ANKRD11: variants seen among roughly 807,000 people sequenced by gnomAD.
ANKRD11 encodes ankyrin repeat domain-containing protein 11.
In ANKRD11, 17 loss-of-function variants were observed where a neutral mutation model predicts 195.7. That is an observed-to-expected ratio of 0.09 (90% confidence interval 0.06 to 0.13). ANKRD11 has a LOEUF of 0.13. ANKRD11 is among the 10% of genes least tolerant of loss of function. The pLI is 1.00. For missense variants in ANKRD11, 3,735 were observed against 3,566.1 expected, an observed-to-expected ratio of 1.05 and a Z score of -1.21; for synonymous variants, 1,953 against 1,528.1, an observed-to-expected ratio of 1.28 and a Z score of -6.49.
chr16:89,428,749 C>G (rs1461452020), intron 1 of ANKRD11, among the ~76,000 whole-genome samples: 1 of 151,808 alleles, frequency 6.6e-6, no homozygotes, highest in Non-Finnish European at 1.5e-5. Context: ...CAAAAATTAG[C>G]CAGGCATGGT....
intron 1 of ANKRD11, among the ~76,000 whole-genome samples, chr16:89,464,629 G>GA (rs1257806844): frequency 7.0e-6 from 1 of 143,622 alleles, no homozygotes; most frequent in Non-Finnish European, 1.5e-5. Context: ...AAAAAGAAAA[G>GA]AAAAGAAAAA....
At chr16:89,404,106 C>CATA (rs926666322) in intron 2 of ANKRD11, among the ~76,000 whole-genome samples, 4 of 152,212 alleles carry the variant, frequency 2.6e-5, no homozygotes, top group African/African-American at 9.7e-5. Context: ...TAGCCCGGCA[C>CATA]ATGATTGTGA....
rs763039848 is a variant in ANKRD11, at chr16:89,281,470, G to A, written c.5072C>T (p.Ala1691Val). 1.2e-6 allele frequency: 2 copies of A among 1,614,048 alleles called. No homozygotes were observed. Among genetic ancestry groups the A allele is most frequent in the South Asian group, 2.2e-5 (2 of 91,084 alleles). The part of the protein sequence containing the change: ...AGPHMKEVLP[A>V]SPRPDQSRPT... ...CCGGCTCTGGTCAGGCCTGGGGGACGCAGGCAGGACCTCTTTCATGTGAGG... is the reference window on the plus strand; with the variant it reads ...CCGGCTCTGGTCAGGCCTGGGGGACACAGGCAGGACCTCTTTCATGTGAGG... The change falls in exon 9 of 13, where the codon GCG becomes GTG. Residue 1691 changes from alanine to valine, a missense_variant. By Grantham distance (64) the Ala-to-Val change is moderately conservative. Transcript: ENST00000301030. This position sits in a 1 kb window ranked among gnomAD's most constrained non-coding sequence, Gnocchi z 5.5.
Position 89,316,508 on chromosome 16 carries a change from A to C in ANKRD11, c.87+425T>G, listed in dbSNP as rs2036966705. ...CGTTAACCGCACATTAATAAAATGC[A>C]GTGGTTTTGATTGGCATCCCATTTT... On this transcript the variant is annotated intron_variant, in intron 3 of 12. Coordinates refer to ENST00000301030, the MANE Select transcript of ANKRD11 (RefSeq NM_013275.6). 2.0e-5 allele frequency among the ~76,000 whole-genome samples: 3 copies of C among 152,242 alleles called. No homozygotes were observed. In the South Asian group the frequency reaches 6.2e-4, roughly 31 times the overall value.
At chr16:89,415,046 GTGA>G (rs745922207) in intron 2 of ANKRD11, among the ~76,000 whole-genome samples, 14 of 152,156 alleles carry the variant, frequency 9.2e-5, no homozygotes, top group Middle Eastern at 3.4e-3. Flanking sequence ...CTGGGCTCAA[GTGA>G]TCCTTCCTCC....
intron 2 of ANKRD11, among the ~76,000 whole-genome samples, chr16:89,408,172 C>A (rs368730259): frequency 1.3e-5 from 2 of 152,174 alleles, no homozygotes; most frequent in South Asian, 2.1e-4. Context: ...CACTATGTGG[C>A]AAGCACTGGA....
chr16:89,353,853 C>A (rs12932607), intron 2 of ANKRD11, among the ~76,000 whole-genome samples: 3 of 152,220 alleles, frequency 2.0e-5, no homozygotes, highest in African/African-American at 7.2e-5. Context: ...CACATCAGCC[C>A]TGAGACACCC....
chr16:89,313,431 C>G, intron 3 of ANKRD11: 13 of 1,289,122 alleles, frequency 1.0e-5, no homozygotes, highest in Non-Finnish European at 1.3e-5. Flanking sequence ...CAGAAGGGGC[C>G]CTTTCTCTGA....
chr16:89,462,760 C>T (rs975157822), intron 1 of ANKRD11, among the ~76,000 whole-genome samples: 3 of 151,766 alleles, frequency 2.0e-5, no homozygotes, highest in African/African-American at 4.8e-5. Context: ...GCCCGGCCAC[C>T]CCGTCTGACA....
intron 1 of ANKRD11, among the ~76,000 whole-genome samples, chr16:89,423,914 T>C (rs2042612779): frequency 6.6e-6 from 1 of 152,042 alleles, no homozygotes; most frequent in Admixed American, 6.5e-5. Flanking sequence ...AAAGTTTCAG[T>C]ATTGGGAAAT....
intron 2 of ANKRD11, among the ~76,000 whole-genome samples, chr16:89,327,995 G>A (rs1035555536): frequency 6.6e-6 from 1 of 152,192 alleles, no homozygotes; most frequent in African/African-American, 2.4e-5. Flanking sequence ...TCAGATAGCA[G>A]GCTTGTATGT....
Position 89,467,857 on chromosome 16 carries a change from G to C in ANKRD11, c.-145+22388C>G, listed in dbSNP as rs2056938141. ...GCTCTGTTGCCCGGGCTCAAGTGGAGTGGCGTGATCTCAGCTCACTGCAAC... is the reference window on the plus strand; with the variant it reads ...GCTCTGTTGCCCGGGCTCAAGTGGACTGGCGTGATCTCAGCTCACTGCAAC... On this transcript the variant is annotated intron_variant, in intron 1 of 12. Coordinates refer to ENST00000301030, the MANE Select transcript of ANKRD11 (RefSeq NM_013275.6). Among the ~76,000 whole-genome samples the C allele has an allele frequency of 2.6e-5, 4 of 152,260 alleles. No individual in the cohort carries two copies. In the South Asian group the frequency reaches 8.3e-4, roughly 32 times the overall value.
At chr16:89,365,608 A>C (rs76741856) in intron 2 of ANKRD11, among the ~76,000 whole-genome samples, 6,360 of 152,224 alleles carry the variant, frequency 0.042, 330 homozygotes, top group African/African-American at 0.12. Flanking sequence ...AAAAAGAGGT[A>C]TGTTCACTCA....
At chr16:89,487,588 A>C (rs2057662696) in intron 1 of ANKRD11, among the ~76,000 whole-genome samples, 1 of 152,118 alleles carries the variant, frequency 6.6e-6, no homozygotes, top group African/African-American at 2.4e-5. Context: ...AGCGTGGCCA[A>C]CATGGTGAAA....
intron 2 of ANKRD11, among the ~76,000 whole-genome samples, chr16:89,410,902 T>C (rs1440573574): frequency 6.6e-6 from 1 of 152,160 alleles, no homozygotes; most frequent in African/African-American, 2.4e-5. Context: ...CACAGAGCCT[T>C]ATGTACTGGG....
rs377589207 is a variant in ANKRD11 at position 89,268,724 on chromosome 16, C to T, written c.7807-61G>A. 12 of 1,533,786 alleles carry T rather than the reference C, an allele frequency of 7.8e-6. No individual in the cohort carries two copies. The African/African-American group carries it at 8.2e-5, about 11-fold the overall frequency. On this transcript the variant is annotated intron_variant, in intron 12 of 12. Transcript: ENST00000301030. ...AGTGAAGGGAGAGCCCCAGACTCTG[C>T]CGACCTCAGCTGCCAGCAGGGCCAA... is the stretch of plus-strand genomic sequence containing the variant.
At chr16:89,357,010 C>G (rs2039515511) in intron 2 of ANKRD11, among the ~76,000 whole-genome samples, 1 of 152,130 alleles carries the variant, frequency 6.6e-6, no homozygotes, top group East Asian at 1.9e-4. Flanking sequence ...GGGCATGTCC[C>G]AATGCTAATG....
At chr16:89,343,192 T>C (rs1013589031) in intron 2 of ANKRD11, among the ~76,000 whole-genome samples, 1 of 152,120 alleles carries the variant, frequency 6.6e-6, no homozygotes, top group Non-Finnish European at 1.5e-5. Context: ...GGTTTCACCA[T>C]GTTGGCCAGG....
chr16:89,409,412 G>A (rs572875283), intron 2 of ANKRD11, among the ~76,000 whole-genome samples: 1 of 152,344 alleles, frequency 6.6e-6, no homozygotes, highest in South Asian at 2.1e-4. Flanking sequence ...TTCCTCCGTG[G>A]GTTGCAGCCA....
Sources: gnomAD v4.1 joint callset for allele counts (sites outside exome capture counted in the v4.1 genomes callset) on GRCh38, gnomAD v4.1.1 for gene constraint, Gnocchi (gnomAD v3.1) non-coding constraint, MANE v1.5 for transcripts, NCBI Gene and HGNC (gene_info 2026-07-23, HGNC 2026-07-21) for gene names.